Variants in ME1 observed in about 807,000 individuals in gnomAD.
ME1 encodes the protein malic enzyme 1.
A neutral mutation model predicts 66.4 loss-of-function variants in ME1; 74 were observed. The ratio of observed to expected loss-of-function variants is 1.11; its 90% CI spans 0.92 to 1.35. ME1 has a LOEUF of 1.35. ME1 is among the 40% of genes most tolerant of loss of function. The probability of loss-of-function intolerance (pLI) is 0.00; values close to 1 mark genes in which losing one functional copy is unlikely to be tolerated. For missense variants in ME1, 750 were observed against 694.1 expected, an observed-to-expected ratio of 1.08 and a Z score of -0.90; for synonymous variants, 251 against 235.6, an observed-to-expected ratio of 1.07 and a Z score of -0.60.
chr6:83,392,534 T>G (rs562126134), intron 3 of ME1: 61 of 542,386 alleles, frequency 1.1e-4, no homozygotes, highest in Non-Finnish European at 2.1e-4. Flanking sequence ...TTCATTGACC[T>G]CAACAACACT....
At chr6:83,266,148 T>A (rs1184579797) in intron 6 of ME1, among the ~76,000 whole-genome samples, 4 of 152,170 alleles carry the variant, frequency 2.6e-5, no homozygotes, top group Non-Finnish European at 5.9e-5. Context: ...AAGATAACAA[T>A]CATTCAGATC....
intron 3 of ME1, among the ~76,000 whole-genome samples, chr6:83,368,100 G>A (rs951028992): frequency 6.6e-6 from 1 of 151,914 alleles, no homozygotes; most frequent in Non-Finnish European, 1.5e-5. Flanking sequence ...CTGTCAGTGG[G>A]GCAGTTGGAA....
At chr6:83,276,385 T>A (rs932697076) in intron 6 of ME1, among the ~76,000 whole-genome samples, 1 of 152,152 alleles carries the variant, frequency 6.6e-6, no homozygotes, top group African/African-American at 2.4e-5. Context: ...CCAGGAAAAC[T>A]TTATAAACTC....
In ME1 at chr6:83,392,986, T is replaced by C. The variant is rs1333669842; in HGVS notation, c.362+5381A>G. On this transcript the variant is annotated intron_variant, in intron 3 of 13. Coordinates refer to ENST00000369705, the MANE Select transcript of ME1 (RefSeq NM_002395.6). ...ACTATGGATGGCTCCTATGGGAAAC[T>C]GTGGGGTGACGGCCATGGGGCTCTC... is the stretch of plus-strand genomic sequence containing the variant. 6.7e-6 allele frequency: 6 copies of C among 900,662 alleles called. No homozygotes were observed. In the African/African-American group the frequency reaches 8.1e-5, roughly 12 times the overall value. The allele number at this position is 900,662 out of a possible 1,614,324, so 55.8% of individuals were successfully genotyped here.
intron 1 of ME1, among the ~76,000 whole-genome samples, chr6:83,415,223 G>A (rs1468600062): frequency 1.3e-5 from 2 of 152,164 alleles, no homozygotes; most frequent in African/African-American, 4.8e-5. Flanking sequence ...GCTAATAGAA[G>A]AATCTGCAGA....
rs374567163 is a variant in ME1, at chr6:83,216,601, T to A, written c.1450-5A>T. 9.9e-5 allele frequency: 157 copies of A among 1,581,958 alleles called. No homozygotes were observed. The highest frequency in any genetic ancestry group is 1.3e-4 in the Non-Finnish European group (152 of 1,169,530). ...TGACACTTGCTGAGCTATAACCTTATGAAAAAAAGAAAGAAAAAAAGTGTT... is the reference window on the plus strand; with the variant it reads ...TGACACTTGCTGAGCTATAACCTTAAGAAAAAAAGAAAGAAAAAAAGTGTT... On this transcript the variant is annotated splice_region_variant and splice_polypyrimidine_tract_variant and intron_variant, in intron 12 of 13. Coordinates refer to ENST00000369705, the MANE Select transcript of ME1 (RefSeq NM_002395.6).
intron 12 of ME1, among the ~76,000 whole-genome samples, chr6:83,223,478 C>A (rs1341935196): frequency 6.6e-6 from 1 of 152,100 alleles, no homozygotes; most frequent in African/African-American, 2.4e-5. Context: ...TTTTAATTGT[C>A]CCATCACTGT....
intron 2 of ME1, among the ~76,000 whole-genome samples, chr6:83,401,732 T>G (rs983914977): frequency 1.3e-5 from 2 of 152,172 alleles, no homozygotes; most frequent in Admixed American, 6.5e-5. Flanking sequence ...CTCAGCAATA[T>G]GGACTTTCAC....
chr6:83,366,852 T>G (rs1769109909), intron 3 of ME1, among the ~76,000 whole-genome samples: 1 of 152,216 alleles, frequency 6.6e-6, no homozygotes, highest in Non-Finnish European at 1.5e-5. Flanking sequence ...AATATTGATA[T>G]TCTGATCTCC....
intron 6 of ME1, among the ~76,000 whole-genome samples, chr6:83,260,637 CCT>C (rs1464198739): frequency 6.6e-6 from 1 of 152,070 alleles, no homozygotes; most frequent in Non-Finnish European, 1.5e-5. Flanking sequence ...CTGTTGTGCC[CCT>C]CTTTGTGTTC....
intron 3 of ME1, among the ~76,000 whole-genome samples, chr6:83,369,498 T>C (rs953530520): frequency 1.3e-5 from 2 of 152,076 alleles, no homozygotes; most frequent in African/African-American, 4.8e-5. Context: ...ATATAACACC[T>C]TCCATTTTCA....
chr6:83,368,647 C>T (rs527318162), intron 3 of ME1, among the ~76,000 whole-genome samples: 5 of 152,214 alleles, frequency 3.3e-5, no homozygotes, highest in African/African-American at 1.2e-4. Flanking sequence ...TTGATCTCAC[C>T]ATTTACAACA....
At chr6:83,391,014 T>C (rs1318182189) in intron 3 of ME1, among the ~76,000 whole-genome samples, 1 of 152,176 alleles carries the variant, frequency 6.6e-6, no homozygotes, top group Non-Finnish European at 1.5e-5. Flanking sequence ...GTGAAATAAA[T>C]AGACTATTAT....
chr6:83,243,887 G>A (rs1409494096), intron 7 of ME1, among the ~76,000 whole-genome samples: 2 of 127,574 alleles, frequency 1.6e-5, no homozygotes, highest in South Asian at 2.4e-4. Context: ...ATGTGTGTGT[G>A]TATATATATA....
intron 3 of ME1, among the ~76,000 whole-genome samples, chr6:83,391,252 T>C (rs1769614061): frequency 6.6e-6 from 1 of 152,160 alleles, no homozygotes; most frequent in South Asian, 2.1e-4. Context: ...AAATACCTTA[T>C]ACCAGACTAC....
At position 83,277,901 on chromosome 6, in the gene ME1, AAAT is replaced by A. The variant is rs3837004; in HGVS notation, c.705-24166_705-24164del. On this transcript the variant is annotated intron_variant, in intron 6 of 13. Transcript: ENST00000369705. ...TGGGCGATAGTGAGACTGTATCTCA[AAAT>A]AATAATAATAATAATAATAATAATA... Among the ~76,000 whole-genome samples the A allele has an allele frequency of 1.8e-3, 256 of 144,086 alleles. 4 individuals carry two copies. Among genetic ancestry groups the A allele is most frequent in the Middle Eastern group, 0.015 (4 of 272 alleles). 94.5% of individuals were successfully genotyped at this position (144,086 alleles called of 152,430 possible). A position where few individuals can be genotyped will look rare whatever the true frequency, so the allele number is the denominator to read the frequency against.
intron 7 of ME1, among the ~76,000 whole-genome samples, chr6:83,248,700 C>T (rs571139321): frequency 6.6e-6 from 1 of 152,292 alleles, no homozygotes; most frequent in Admixed American, 6.5e-5. Context: ...TCACTCATCT[C>T]TCTCCTGCTG....
intron 6 of ME1, among the ~76,000 whole-genome samples, chr6:83,284,279 A>C (rs1767357821): frequency 6.6e-6 from 1 of 152,056 alleles, no homozygotes; most frequent in Non-Finnish European, 1.5e-5. Context: ...AAAAACCCAG[A>C]AAATGGATTC....
At chr6:83,408,719 TA>T (rs1381327604) in intron 1 of ME1, among the ~76,000 whole-genome samples, 1 of 152,192 alleles carries the variant, frequency 6.6e-6, no homozygotes, top group Non-Finnish European at 1.5e-5. Context: ...CAAGACAAAG[TA>T]ATATCAGAGC....
Sources: gnomAD v4.1 joint callset for allele counts (sites outside exome capture counted in the v4.1 genomes callset) on GRCh38, gnomAD v4.1.1 for gene constraint, MANE v1.5 for transcripts, NCBI Gene and HGNC (gene_info 2026-07-23, HGNC 2026-07-21) for gene names.